Variants in MLLT3 observed in about 807,000 individuals in gnomAD.
MLLT3 encodes the protein protein AF-9.
In MLLT3, 4 loss-of-function variants were observed where a neutral mutation model predicts 53.2. The observed-to-expected ratio is 0.08, with a 90% CI of 0.04 to 0.17. MLLT3 has a LOEUF of 0.17. MLLT3 is among the 10% of genes least tolerant of loss of function. The pLI is 1.00. For missense variants in MLLT3, 569 were observed against 684.0 expected, an observed-to-expected ratio of 0.83 and a Z score of 1.87; for synonymous variants, 283 against 230.6, an observed-to-expected ratio of 1.23 and a Z score of -2.06.
chr9:20,557,985 G>A (rs1587067506), intron 2 of MLLT3, among the ~76,000 whole-genome samples: 1 of 152,160 alleles, frequency 6.6e-6, no homozygotes, highest in East Asian at 1.9e-4. Context: ...CTGGATAGAC[G>A]ATTGATACAG....
intron 5 of MLLT3, among the ~76,000 whole-genome samples, chr9:20,369,814 C>T (rs1191280362): frequency 6.6e-6 from 1 of 152,160 alleles, no homozygotes; most frequent in Non-Finnish European, 1.5e-5. Flanking sequence ...AAGATCTTTA[C>T]AGGCCCTAAG....
Position 20,378,177 on chromosome 9 carries a change from A to G in MLLT3, c.1126-12433T>C, listed in dbSNP as rs548900263. Among the ~76,000 whole-genome samples, 111 of 152,230 alleles carry G rather than the reference A, an allele frequency of 7.3e-4. 4 individuals carry two copies. In the South Asian group the frequency reaches 0.023, roughly 31 times the overall value. On this transcript the variant is annotated intron_variant, in intron 5 of 10. Coordinates refer to ENST00000380338, the MANE Select transcript of MLLT3 (RefSeq NM_004529.4). ...CTTGTACATAATATGAAAGTACAGC[A>G]TAACTTATTCTTGTACATAATATGT...
chr9:20,544,743 T>C lies in MLLT3; in HGVS notation c.193+75911A>G, dbSNP rs527493708. ...AATCCCATTTCTGGGTATATATCCA[T>C]AGGAAATGCAATCAGTATCTCAAAT... On this transcript the variant is annotated intron_variant, in intron 2 of 10. Transcript: ENST00000380338. Among the ~76,000 whole-genome samples the C allele has an allele frequency of 5.3e-5, 8 of 152,234 alleles. No homozygotes were observed. In the East Asian group the frequency reaches 1.5e-3, roughly 29 times the overall value.
chr9:20,384,762 T>C (rs2118705556), intron 5 of MLLT3, among the ~76,000 whole-genome samples: 2 of 152,070 alleles, frequency 1.3e-5, no homozygotes, highest in East Asian at 3.9e-4. Context: ...TCAAATAGAG[T>C]CATCAAATCT....
At chr9:20,362,441 T>G (rs879121011) in intron 7 of MLLT3, among the ~76,000 whole-genome samples, 1 of 152,222 alleles carries the variant, frequency 6.6e-6, no homozygotes, top group Admixed American at 6.5e-5. Flanking sequence ...CTTTTTTCCC[T>G]ATCAGTTTCC....
At chr9:20,562,644 C>T (rs1371911819) in intron 2 of MLLT3, among the ~76,000 whole-genome samples, 2 of 152,112 alleles carry the variant, frequency 1.3e-5, no homozygotes, top group African/African-American at 2.4e-5. Context: ...AGAATCATTT[C>T]CCAGATACAT....
rs188091826 is a variant in MLLT3, at chr9:20,569,608, C to T, written c.193+51046G>A. Among the ~76,000 whole-genome samples, 27 of 152,198 alleles carry T rather than the reference C, an allele frequency of 1.8e-4. 1 individual carries two copies. In the South Asian group the frequency reaches 3.5e-3, roughly 20 times the overall value. ...TTTCAAAAAGTACACAAGCCAATGA[C>T]GACAACCTATAATAAAACTTCAGCA... On this transcript the variant is annotated intron_variant, in intron 2 of 10. Transcript: ENST00000380338.
chr9:20,490,901 T>A (rs1219871532), intron 2 of MLLT3, among the ~76,000 whole-genome samples: 1 of 152,036 alleles, frequency 6.6e-6, no homozygotes, highest in Non-Finnish European at 1.5e-5. Context: ...ATGACTAGAG[T>A]GGTTTACTGT....
chr9:20,572,848 T>C (rs1207229614), intron 2 of MLLT3, among the ~76,000 whole-genome samples: 1 of 152,198 alleles, frequency 6.6e-6, no homozygotes, highest in Admixed American at 6.5e-5. Context: ...TCTCAGTTAA[T>C]TAGGTCTAGA....
intron 2 of MLLT3, among the ~76,000 whole-genome samples, chr9:20,466,432 T>G (rs752782662): frequency 6.6e-6 from 1 of 152,220 alleles, no homozygotes; most frequent in Non-Finnish European, 1.5e-5. Flanking sequence ...ATTTACATTA[T>G]GAAGTTTTAG....
At chr9:20,462,211 A>C (rs1358566863) in intron 2 of MLLT3, among the ~76,000 whole-genome samples, 3 of 152,248 alleles carry the variant, frequency 2.0e-5, no homozygotes, top group Non-Finnish European at 4.4e-5. Context: ...TTTTAAAAGC[A>C]CACACAAAAA....
At chr9:20,536,312 T>A (rs1290072956) in intron 2 of MLLT3, among the ~76,000 whole-genome samples, 1 of 152,196 alleles carries the variant, frequency 6.6e-6, no homozygotes, top group Non-Finnish European at 1.5e-5. Context: ...TAGCTCATGC[T>A]TGTCCTTGGG....
At chr9:20,365,339 G>C (rs575327306) in intron 6 of MLLT3, among the ~76,000 whole-genome samples, 1 of 151,746 alleles carries the variant, frequency 6.6e-6, no homozygotes, top group South Asian at 2.1e-4. Context: ...TTTTTGTTTT[G>C]TTTTGTTTTC....
At chr9:20,522,352 AT>A (rs1818084884) in intron 2 of MLLT3, among the ~76,000 whole-genome samples, 1 of 152,082 alleles carries the variant, frequency 6.6e-6, no homozygotes, top group Non-Finnish European at 1.5e-5. Context: ...TAAATTGGAT[AT>A]TAAAGCTTAA....
Position 20,456,789 on chromosome 9 carries a change from G to A in MLLT3, c.194-3C>T. On this transcript the variant is annotated splice_polypyrimidine_tract_variant and splice_region_variant and intron_variant, in intron 2 of 10. Coordinates refer to ENST00000380338, the MANE Select transcript of MLLT3 (RefSeq NM_004529.4). The stretch of plus-strand genomic sequence containing the variant: ...TTTGTAAGGTGGATCTTTGCACACT[G>A]CAACATTAAAAAAGAAAATAGGTAA... 1.3e-6 allele frequency: 2 copies of A among 1,567,518 alleles called. No homozygotes were observed. The highest frequency in any genetic ancestry group is 1.2e-5 in the South Asian group (1 of 84,150).
chr9:20,408,752 A>G (rs1250890038), intron 5 of MLLT3, among the ~76,000 whole-genome samples: 1 of 152,224 alleles, frequency 6.6e-6, no homozygotes. Flanking sequence ...CTTCCATCAC[A>G]TAAAAACCTA....
At chr9:20,508,875 C>T (rs1462643367) in intron 2 of MLLT3, among the ~76,000 whole-genome samples, 1 of 152,144 alleles carries the variant, frequency 6.6e-6, no homozygotes, top group Non-Finnish European at 1.5e-5. Context: ...TGGCTGTCGT[C>T]TCTACATCCT....
At chr9:20,535,423 C>T (rs1451593268) in intron 2 of MLLT3, among the ~76,000 whole-genome samples, 1 of 152,064 alleles carries the variant, frequency 6.6e-6, no homozygotes, top group Non-Finnish European at 1.5e-5. Flanking sequence ...TACAGCAGCA[C>T]CACAGGGTCA....
chr9:20,397,867 G>A (rs1171796351), intron 5 of MLLT3, among the ~76,000 whole-genome samples: 1 of 151,922 alleles, frequency 6.6e-6, no homozygotes, highest in East Asian at 1.9e-4. Flanking sequence ...AAATGCTACA[G>A]TGTATCCAAT....
Sources: gnomAD v4.1 joint callset for allele counts (sites outside exome capture counted in the v4.1 genomes callset) on GRCh38, gnomAD v4.1.1 for gene constraint, MANE v1.5 for transcripts, NCBI Gene and HGNC (gene_info 2026-07-23, HGNC 2026-07-21) for gene names.